MBD5: variants seen among roughly 807,000 people sequenced by gnomAD.
The protein encoded by MBD5 is methyl-CpG-binding domain protein 5.
Under a neutral mutation model 117.3 loss-of-function variants are expected in MBD5, and 13 were observed. The ratio of observed to expected loss-of-function variants is 0.11; its 90% CI spans 0.07 to 0.18. The LOEUF (loss-of-function observed/expected upper bound fraction) is 0.18, where lower values mean the gene tolerates loss of function less well. MBD5 is among the 10% of genes least tolerant of loss of function. The pLI is 1.00. For synonymous variants in MBD5, 727 were observed against 766.4 expected, an observed-to-expected ratio of 0.95 and a Z score of 0.85; for missense variants, 1,879 against 2,093.8, an observed-to-expected ratio of 0.90 and a Z score of 2.00.
chr2:148,207,493 A>C lies in MBD5; in HGVS notation c.-830-25752A>C, dbSNP rs542038327. 2.0e-4 allele frequency among the ~76,000 whole-genome samples: 31 copies of C among 152,158 alleles called. No homozygotes were observed. In the South Asian group the frequency reaches 4.0e-3, roughly 19 times the overall value. On this transcript the variant is annotated intron_variant, in intron 2 of 13. Coordinates refer to ENST00000642680, the MANE Select transcript of MBD5 (RefSeq NM_001378120.1). Reference sequence around the variant, plus strand: ...CTTAAAAATAGGTTACTCGGTTACAACACCACTAGACTTGGAAAAGTTACT... The same window carrying C: ...CTTAAAAATAGGTTACTCGGTTACACCACCACTAGACTTGGAAAAGTTACT...
In MBD5 at chr2:148,196,621, A is replaced by C. The variant is rs1000587403; in HGVS notation, c.-831+17828A>C. ...GTCATCAGCAATAACAGTATGACTT[A>C]GTATCTTTAAAACTTGGTGTCTTTT... is the stretch of plus-strand genomic sequence containing the variant. On this transcript the variant is annotated intron_variant, in intron 2 of 13. Transcript: ENST00000642680. Among the ~76,000 whole-genome samples the C allele has an allele frequency of 2.1e-4, 32 of 152,192 alleles. 1 individual carries two copies. The highest frequency in any genetic ancestry group is 4.6e-4 in the Non-Finnish European group (31 of 68,048).
chr2:148,502,035 C>G (rs1358285176), intron 11 of MBD5, among the ~76,000 whole-genome samples: 1 of 152,142 alleles, frequency 6.6e-6, no homozygotes, highest in Non-Finnish European at 1.5e-5. Context: ...CAAGGCCCAC[C>G]CACTTCACTA....
chr2:148,089,494 C>T (rs1307454566), intron 1 of MBD5, among the ~76,000 whole-genome samples: 1 of 151,882 alleles, frequency 6.6e-6, no homozygotes, highest in African/African-American at 2.4e-5. Context: ...TATCAGGTAC[C>T]CTCTCAGACC....
intron 3 of MBD5, among the ~76,000 whole-genome samples, chr2:148,305,183 G>A (rs1378629800): frequency 6.6e-6 from 1 of 152,246 alleles, no homozygotes; most frequent in Non-Finnish European, 1.5e-5. Flanking sequence ...AACAGTCAGA[G>A]TCACTAGACT....
intron 4 of MBD5, among the ~76,000 whole-genome samples, chr2:148,436,084 A>T (rs903958591): frequency 6.6e-6 from 1 of 152,202 alleles, no homozygotes. Flanking sequence ...TAAGATACCT[A>T]TAGACCAGCA....
At position 148,345,366 on chromosome 2, in the gene MBD5, T is replaced by A. The variant is rs1024922444; in HGVS notation, c.-557+3030T>A. Among the ~76,000 whole-genome samples the A allele has an allele frequency of 2.1e-5, 3 of 145,788 alleles. No homozygotes were observed. The Admixed American group carries it at 2.1e-4, about 10-fold the overall frequency. On this transcript the variant is annotated intron_variant, in intron 4 of 13. Coordinates refer to ENST00000642680, the MANE Select transcript of MBD5 (RefSeq NM_001378120.1). ...ATATACATATACACATATACACATA[T>A]ACATATACACATATACACATATACA...
At chr2:148,109,813 G>A (rs1285667915) in intron 1 of MBD5, among the ~76,000 whole-genome samples, 1 of 152,010 alleles carries the variant, frequency 6.6e-6, no homozygotes, top group Non-Finnish European at 1.5e-5. Flanking sequence ...ACAATGATCT[G>A]AACATTATTA....
At chr2:148,170,433 A>G (rs1016126170) in intron 1 of MBD5, among the ~76,000 whole-genome samples, 1 of 152,216 alleles carries the variant, frequency 6.6e-6, no homozygotes, top group African/African-American at 2.4e-5. Flanking sequence ...GAAATTTGGA[A>G]TCTTTTAAAC....
intron 4 of MBD5, among the ~76,000 whole-genome samples, chr2:148,387,550 C>A (rs926731125): frequency 1.3e-5 from 2 of 151,814 alleles, no homozygotes; most frequent in Non-Finnish European, 2.9e-5. Flanking sequence ...AAAAGAAATA[C>A]AAAGTATAAG....
At chr2:148,034,846 A>G (rs1694144070) in intron 1 of MBD5, among the ~76,000 whole-genome samples, 1 of 152,202 alleles carries the variant, frequency 6.6e-6, no homozygotes, top group African/African-American at 2.4e-5. Flanking sequence ...TCTTCTAATT[A>G]CTATTACTCA....
At chr2:148,068,449 TGA>T (rs1695265242) in intron 1 of MBD5, 1 of 152,188 alleles carries the variant, frequency 6.6e-6, no homozygotes, top group Non-Finnish European at 1.5e-5. Flanking sequence ...TGGATCTTAC[TGA>T]GAGAGAAATG....
At chr2:148,393,945 T>C (rs575907962) in intron 4 of MBD5, among the ~76,000 whole-genome samples, 1 of 152,286 alleles carries the variant, frequency 6.6e-6, no homozygotes, top group East Asian at 1.9e-4. Flanking sequence ...AAATTTTGAA[T>C]TGAAAAGAAA....
chr2:148,380,361 A>T (rs1156368538), intron 4 of MBD5, among the ~76,000 whole-genome samples: 3 of 152,186 alleles, frequency 2.0e-5, no homozygotes. Flanking sequence ...ATCATTTACA[A>T]AAAGTGCCAT....
rs545782457 is a variant in MBD5, at chr2:148,275,153, G to A, written c.-680+41758G>A. 5.9e-5 allele frequency among the ~76,000 whole-genome samples: 9 copies of A among 152,098 alleles called. No individual in the cohort carries two copies. The South Asian group carries it at 8.3e-4, about 14-fold the overall frequency. On this transcript the variant is annotated intron_variant, in intron 3 of 13. Coordinates refer to ENST00000642680, the MANE Select transcript of MBD5 (RefSeq NM_001378120.1). ...TTGTTTTCCTTTATTTTTTAAAATC[G>A]TTAAATTCATAAGCATCACTAGGTT... is the stretch of plus-strand genomic sequence containing the variant.
intron 4 of MBD5, among the ~76,000 whole-genome samples, chr2:148,400,187 T>C (rs990057539): frequency 6.6e-6 from 1 of 152,196 alleles, no homozygotes; most frequent in Non-Finnish European, 1.5e-5. Context: ...TAGTGGAATG[T>C]TGATAGAATC....
At chr2:148,494,910 C>G (rs1216968473) in intron 11 of MBD5, among the ~76,000 whole-genome samples, 1 of 152,108 alleles carries the variant, frequency 6.6e-6, no homozygotes, top group East Asian at 1.9e-4. Context: ...TCGCAGTTAG[C>G]CGAGATCGCG....
chr2:148,061,717 C>A (rs949729252), intron 1 of MBD5, among the ~76,000 whole-genome samples: 5 of 151,722 alleles, frequency 3.3e-5, no homozygotes, highest in Non-Finnish European at 7.4e-5. Flanking sequence ...AAATGAAATT[C>A]TTGAATCAGT....
chr2:148,328,700 T>TCG (rs1702544978), intron 3 of MBD5, among the ~76,000 whole-genome samples: 2 of 152,096 alleles, frequency 1.3e-5, no homozygotes, highest in Admixed American at 6.5e-5. Flanking sequence ...CTGCTTTGGC[T>TCG]CGCACATGGT....
intron 4 of MBD5, among the ~76,000 whole-genome samples, chr2:148,447,109 G>GAGAA (rs202133065): frequency 6.8e-6 from 1 of 146,536 alleles, no homozygotes; most frequent in African/African-American, 2.5e-5. Context: ...GGATAGGAAG[G>GAGAA]AGAAAGAAAG....
Sources: gnomAD v4.1 joint callset for allele counts (sites outside exome capture counted in the v4.1 genomes callset) on GRCh38, gnomAD v4.1.1 for gene constraint, MANE v1.5 for transcripts, NCBI Gene and HGNC (gene_info 2026-07-23, HGNC 2026-07-21) for gene names.